Variants in SNTB1 observed in about 807,000 individuals in gnomAD.
SNTB1 encodes the protein beta-1-syntrophin.
SNTB1 carries 36 observed loss-of-function variants against 48.9 expected under a neutral mutation model. That is an observed-to-expected ratio of 0.74 (90% CI 0.56 to 0.97). The LOEUF is 0.97. SNTB1 is among the 50% of genes least tolerant of loss of function. The pLI, the probability that SNTB1 is intolerant of heterozygous loss-of-function variation, is 0.00. For missense variants in SNTB1, 786 were observed against 703.4 expected, an observed-to-expected ratio of 1.12 and a Z score of -1.33; for synonymous variants, 299 against 294.6, an observed-to-expected ratio of 1.01 and a Z score of -0.15.
chr8:120,739,088 T>G (rs750702468), intron 1 of SNTB1, among the ~76,000 whole-genome samples: 30 of 152,368 alleles, frequency 2.0e-4, no homozygotes, highest in Middle Eastern at 6.8e-3. Context: ...GGCAAACTCC[T>G]CTGTGAAAAT....
chr8:120,790,905 T>G (rs1467466623), intron 1 of SNTB1, among the ~76,000 whole-genome samples: 1 of 151,780 alleles, frequency 6.6e-6, no homozygotes, highest in Non-Finnish European at 1.5e-5. Flanking sequence ...CAAATTCCTA[T>G]GGAACTTAAA....
chr8:120,558,693 G>T (rs988996685), intron 4 of SNTB1, among the ~76,000 whole-genome samples: 5 of 152,260 alleles, frequency 3.3e-5, no homozygotes, highest in African/African-American at 9.6e-5. Flanking sequence ...TGTGACCTTG[G>T]CAAGTTTCTT....
intron 2 of SNTB1, among the ~76,000 whole-genome samples, chr8:120,684,625 C>T (rs1385142079): frequency 6.7e-6 from 1 of 149,356 alleles, no homozygotes; most frequent in Non-Finnish European, 1.5e-5. Context: ...AGGTCTTGAC[C>T]AAATCTATAC....
chr8:120,551,969 T>C (rs1815488775), intron 4 of SNTB1, among the ~76,000 whole-genome samples: 1 of 152,154 alleles, frequency 6.6e-6, no homozygotes, highest in Non-Finnish European at 1.5e-5. Flanking sequence ...CTGGTTCCCT[T>C]CCTCCTTCCC....
intron 2 of SNTB1, among the ~76,000 whole-genome samples, chr8:120,690,712 C>G (rs1158399313): frequency 2.6e-5 from 4 of 152,224 alleles, no homozygotes. Context: ...AGATGTGTCT[C>G]TTGCATTCAG....
intron 1 of SNTB1, among the ~76,000 whole-genome samples, chr8:120,751,729 T>C (rs933109368): frequency 1.3e-5 from 2 of 152,114 alleles, no homozygotes; most frequent in Non-Finnish European, 2.9e-5. Flanking sequence ...TTAACCTCTA[T>C]AGGCTTCCAT....
chr8:120,548,658 C>T (rs1479214984), intron 5 of SNTB1, 104 bp downstream of exon 5: 6 of 972,078 alleles, frequency 6.2e-6, no homozygotes, highest in Non-Finnish European at 9.4e-6. Flanking sequence ...GGAATTTTAA[C>T]TATCCCCAGA....
intron 1 of SNTB1, among the ~76,000 whole-genome samples, chr8:120,778,432 G>C (rs1819774671): frequency 6.6e-6 from 1 of 152,180 alleles, no homozygotes; most frequent in African/African-American, 2.4e-5. Flanking sequence ...CTCTAAATCA[G>C]GAATCCTGAC....
chr8:120,797,927 C>T (rs1402100366), intron 1 of SNTB1, among the ~76,000 whole-genome samples: 1 of 151,968 alleles, frequency 6.6e-6, no homozygotes, highest in Non-Finnish European at 1.5e-5. Context: ...TTGATCGTCA[C>T]TCTGTGGCTC....
chr8:120,602,528 T>A (rs1816436411), intron 3 of SNTB1, among the ~76,000 whole-genome samples: 1 of 152,206 alleles, frequency 6.6e-6, no homozygotes, highest in Non-Finnish European at 1.5e-5. Flanking sequence ...GACTCAAGAC[T>A]TTAACTTCAT....
intron 3 of SNTB1, among the ~76,000 whole-genome samples, chr8:120,580,556 G>A (rs1360812676): frequency 2.0e-5 from 3 of 152,192 alleles, no homozygotes; most frequent in Non-Finnish European, 2.9e-5. Flanking sequence ...CTAGATGTAA[G>A]GGACAGAGAA....
intron 1 of SNTB1, among the ~76,000 whole-genome samples, chr8:120,712,558 C>G (rs1818481820): frequency 6.6e-6 from 1 of 152,062 alleles, no homozygotes; most frequent in Non-Finnish European, 1.5e-5. Flanking sequence ...ATTTTATATG[C>G]ATTTTTTATA....
In SNTB1 at chr8:120,578,970, A is replaced by G. The variant is rs572895782; in HGVS notation, c.997-3745T>C. 1.2e-3 allele frequency among the ~76,000 whole-genome samples: 180 copies of G among 152,194 alleles called. 1 individual carries two copies. The highest frequency in any genetic ancestry group is 2.2e-4 in the Non-Finnish European group (15 of 68,006). ...GGTGGGCAGATCACCTGAGGTTGGG[A>G]GTTTGAGACCAGGCTGGCCAGCATG... is the stretch of plus-strand genomic sequence containing the variant. On this transcript the variant is annotated intron_variant, in intron 3 of 6. Transcript: ENST00000517992.
Position 120,803,330 on chromosome 8 carries a change from TTTGTGGTGGG to T in SNTB1, c.571+7933_571+7942del, listed in dbSNP as rs1183571889. Among the ~76,000 whole-genome samples, 331 of 152,286 alleles carry T rather than the reference TTTGTGGTGGG, an allele frequency of 2.2e-3. 1 individual carries two copies. Among genetic ancestry groups the T allele is most frequent in the African/African-American group, 7.6e-3 (316 of 41,542 alleles). ...TGCATGAGTCTGTTAGGGCATTGATTTTGTGGTGGGTATTATATATTTTTGTCTTAAGTCT... is the reference window on the plus strand; with the variant it reads ...TGCATGAGTCTGTTAGGGCATTGATTTATTATATATTTTTGTCTTAAGTCT... On this transcript the variant is annotated intron_variant, in intron 1 of 6. Coordinates refer to ENST00000517992, the MANE Select transcript of SNTB1 (RefSeq NM_021021.4).
chr8:120,648,934 T>C (rs911243761), intron 2 of SNTB1, among the ~76,000 whole-genome samples: 3 of 151,812 alleles, frequency 2.0e-5, no homozygotes, highest in Non-Finnish European at 2.9e-5. Flanking sequence ...CCATCGCTGA[T>C]ACCCTTTCTT....
At chr8:120,648,452 C>G (rs1277879608) in intron 2 of SNTB1, among the ~76,000 whole-genome samples, 1 of 151,330 alleles carries the variant, frequency 6.6e-6, no homozygotes, top group Non-Finnish European at 1.5e-5. Flanking sequence ...ATATGAAATT[C>G]TGGGTTGAAA....
At chr8:120,669,291 C>G (rs1817721771) in intron 2 of SNTB1, among the ~76,000 whole-genome samples, 1 of 152,168 alleles carries the variant, frequency 6.6e-6, no homozygotes, top group African/African-American at 2.4e-5. Flanking sequence ...ATTTCACTAG[C>G]ACCATCCCCT....
chr8:120,712,921 T>G (rs76152676), intron 1 of SNTB1, among the ~76,000 whole-genome samples: 771 of 152,286 alleles, frequency 5.1e-3, no homozygotes, highest in Non-Finnish European at 8.9e-3. Flanking sequence ...CCATTACACA[T>G]GCCGCACACC....
At chr8:120,734,310 G>T (rs1050722364) in intron 1 of SNTB1, among the ~76,000 whole-genome samples, 7 of 152,064 alleles carry the variant, frequency 4.6e-5, no homozygotes, top group Non-Finnish European at 8.8e-5. Context: ...AGCCAGGCAT[G>T]GTGGCAGGCA....
Sources: allele counts gnomAD v4.1 joint callset (sites outside exome capture counted in the v4.1 genomes callset), GRCh38; gene constraint gnomAD v4.1.1; transcripts MANE v1.5; gene names NCBI Gene and HGNC (gene_info 2026-07-23, HGNC 2026-07-21).